The following TLE5 variants were observed in gnomAD, a reference collection of about 807,000 sequenced individuals.
The protein encoded by TLE5 is TLE family member 5, transcriptional modulator, also known as TLE family member 5.
A neutral mutation model predicts 25.8 loss-of-function variants in TLE5; 7 were observed. The observed-to-expected ratio is 0.27, with a 90% CI of 0.15 to 0.51. TLE5 has a LOEUF of 0.51. Ranked by LOEUF, TLE5 falls within the 20% of genes least tolerant of loss-of-function variation. The pLI is 0.97. For missense variants in TLE5, 149 were observed against 250.7 expected (o/e 0.59, Z 2.74); for synonymous variants, 132 against 110.5 (o/e 1.20, Z -1.22).
intron 6 of TLE5, 34 bp downstream of exon 6, chr19:3,054,086 T>TCCGGGGGGGGCCC: frequency 3.3e-6 from 5 of 1,512,804 alleles, no homozygotes; most frequent in Non-Finnish European, 4.5e-6. Context: ...GGCCCACCTG[T>TCCGGGGGGGGCCC]CCCCCGCCCA....
intron 3 of TLE5, 22 bp from the exon 4 acceptor site, chr19:3,056,378 G>T (rs1170451105): frequency 3.1e-6 from 3 of 954,676 alleles, no homozygotes; most frequent in Admixed American, 3.2e-5. Flanking sequence ...AGAGAGAGGG[G>T]GAGCGGGAGA....
intron 4 of TLE5, 72 bp from the exon 5 acceptor site, chr19:3,055,798 C>T (rs1029221305): frequency 1.6e-5 from 24 of 1,485,568 alleles, no homozygotes; most frequent in African/African-American, 1.1e-4. Flanking sequence ...AGGAGGCCTG[C>T]GCGGGGCCCG....
At chr19:3,062,666 G>T (rs935336249), upstream of TLE5, 19 of 1,354,630 alleles carry the variant, frequency 1.4e-5, no homozygotes, top group African/African-American at 1.1e-4. Context: ...GCCCGCCCCC[G>T]CCCCGGGCAG....
At chr19:3,061,504 G>A (rs1468718114) in intron 1 of TLE5, 1 of 311,054 alleles carries the variant, frequency 3.2e-6, no homozygotes, top group African/African-American at 2.3e-5. Context: ...GTGGGGGTGC[G>A]TTTTAAGGCC....
intron 4 of TLE5, chr19:3,056,026 T>G: frequency 1.9e-6 from 1 of 515,492 alleles, no homozygotes. Context: ...TAGTAAGCGC[T>G]TGTGCGAATG....
chr19:3,062,785 GCACGACC>G (rs1213587616), upstream of TLE5: 3 of 1,549,706 alleles, frequency 1.9e-6, no homozygotes, highest in South Asian at 2.4e-5. Context: ...CCCTGCTGTG[GCACGACC>G]TGGACGCGTG....
chr19:3,054,408 A>G, intron 5 of TLE5: 1 of 598,040 alleles, frequency 1.7e-6, no homozygotes, highest in African/African-American at 1.9e-5. Context: ...AACAGAGACA[A>G]ATGGAAAAGT....
intron 3 of TLE5, among the ~76,000 whole-genome samples, chr19:3,057,230 A>C (rs307716): frequency 0.95 from 143,943 of 152,272 alleles, 68,110 homozygotes; most frequent in East Asian, 1. Context: ...AGTGTCACAC[A>C]TCAGCCCCCC....
rs756115456 is a variant in TLE5 at position 3,053,742 on chromosome 19, G to C, written c.*77C>G. ...CCAATCCCGAGCTCCGCTGTGTCTT[G>C]TGCTAAACATTCCTTTCTCTCCGTG... On this transcript the variant is annotated 3_prime_UTR_variant, in exon 7 of 7. Coordinates refer to ENST00000327141, the MANE Select transcript of TLE5 (RefSeq NM_001130.6). 3.0e-5 allele frequency: 44 copies of C among 1,486,228 alleles called. No homozygotes were observed. The highest frequency in any genetic ancestry group is 3.9e-5 in the Non-Finnish European group (43 of 1,091,030). 92.1% of individuals were successfully genotyped at this position (1,486,228 alleles called of 1,614,324 possible).
At chr19:3,061,285 G>A in intron 1 of TLE5, 28 bp from the exon 2 acceptor site, 3 of 1,573,328 alleles carry the variant, frequency 1.9e-6, no homozygotes, top group Non-Finnish European at 2.6e-6. Context: ...CCCGGGTCAG[G>A]CCCAGGCGTG....
At chr19:3,058,351 G>A (rs1352853660) in intron 2 of TLE5, among the ~76,000 whole-genome samples, 1 of 152,176 alleles carries the variant, frequency 6.6e-6, no homozygotes, top group Non-Finnish European at 1.5e-5. Context: ...GACACCCAGA[G>A]AGGGTGAGGA....
chr19:3,062,709 G>T, upstream of TLE5: 1 of 1,512,708 alleles, frequency 6.6e-7, no homozygotes, highest in Non-Finnish European at 8.8e-7. Context: ...CCCGGCAGCC[G>T]GCCGGGCCTC....
At position 3,062,494 on chromosome 19, in the gene TLE5, G is replaced by A. The variant is rs1292662023; in HGVS notation, c.-294C>T. 6.3e-6 allele frequency: 4 copies of A among 631,950 alleles called. No homozygotes were observed. The African/African-American group carries it at 8.0e-5, about 13-fold the overall frequency. The allele number at this position is 631,950 out of a possible 1,614,324, so 39.1% of individuals were successfully genotyped here. ...TTGTCTAATGGCGGCGACGCCGGCAGTGGCCGCGGCTCGGCTGCTGCGGAG... is the reference window on the plus strand; with the variant it reads ...TTGTCTAATGGCGGCGACGCCGGCAATGGCCGCGGCTCGGCTGCTGCGGAG... On this transcript the variant is annotated 5_prime_UTR_variant, in exon 1 of 7. Transcript: ENST00000327141.
At chr19:3,060,341 T>C (rs1323248687) in intron 2 of TLE5, among the ~76,000 whole-genome samples, 1 of 142,394 alleles carries the variant, frequency 7.0e-6, no homozygotes, top group Non-Finnish European at 1.5e-5. Context: ...TTTTTTTTTT[T>C]TTTTTTTTTT....
At chr19:3,056,267 G>GGGGGAAGGA in intron 4 of TLE5, 45 bp downstream of exon 4, 1 of 1,392,446 alleles carries the variant, frequency 7.2e-7, no homozygotes, top group South Asian at 1.4e-5. Context: ...GGGGGGAGGA[G>GGGGGAAGGA]GGGGAAGGAG....
At chr19:3,057,166 A>G (rs1464489521) in intron 3 of TLE5, among the ~76,000 whole-genome samples, 1 of 152,156 alleles carries the variant, frequency 6.6e-6, no homozygotes, top group East Asian at 1.9e-4. Context: ...TTGATGCAGA[A>G]ATCGTCACCT....
At chr19:3,057,354 C>T (rs2090227977) in intron 3 of TLE5, 1 of 371,886 alleles carries the variant, frequency 2.7e-6, no homozygotes, top group Non-Finnish European at 5.1e-6. Context: ...TCGGCTGCTC[C>T]CCCACGTCAG....
chr19:3,061,891 G>GGC (rs920514679), intron 1 of TLE5, among the ~76,000 whole-genome samples: 1 of 145,550 alleles, frequency 6.9e-6, no homozygotes, highest in Admixed American at 6.7e-5. Flanking sequence ...CGGGTTGGGG[G>GGC]GGGGGGGCGC....
chr19:3,057,289 C>T (rs149636588), intron 3 of TLE5, among the ~76,000 whole-genome samples: 2 of 152,336 alleles, frequency 1.3e-5, no homozygotes, highest in East Asian at 1.9e-4. Context: ...TCTTTGAGCT[C>T]GGGCCCAAAG....
Sources: gnomAD v4.1 joint callset for allele counts (sites outside exome capture counted in the v4.1 genomes callset) on GRCh38, gnomAD v4.1.1 for gene constraint, MANE v1.5 for transcripts, NCBI Gene and HGNC (gene_info 2026-07-23, HGNC 2026-07-21) for gene names.